ZNF570: variants seen among roughly 807,000 people sequenced by gnomAD.
ZNF570 encodes the protein zinc finger protein 570.
Under a neutral mutation model 14.2 loss-of-function variants are expected in ZNF570, and 8 were observed. The observed-to-expected ratio is 0.56, with a 90% confidence interval of 0.33 to 1.02. The LOEUF (loss-of-function observed/expected upper bound fraction) is 1.02, where lower values mean the gene tolerates loss of function less well. Ranked by LOEUF, ZNF570 falls within the 50% of genes least tolerant of loss-of-function variation. The pLI is 0.03. For synonymous variants in ZNF570, 202 were observed against 207.6 expected (o/e 0.97, Z 0.23); for missense variants, 559 against 624.9 (o/e 0.89, Z 1.12).
At chr19:37,483,837 T>C in intron 4 of ZNF570, 42 bp from the exon 5 acceptor site, 1 of 1,525,872 alleles carries the variant, frequency 6.6e-7, no homozygotes, top group Non-Finnish European at 8.8e-7. Context: ...TACTTTCTGA[T>C]ACTCAATAGA....
Position 37,483,924 on chromosome 19 carries a change from AT to A in ZNF570, c.307del (p.Tyr103MetfsTer9). ...ACTGAAGAATTAACCCCAAAGCAGG[AT>A]TTTTATGAAGAACATCAATCCCAGA... is the stretch of plus-strand genomic sequence containing the variant. Reference protein sequence around the residue: ...CETEELTPKQDFYEEHQSQKI... With the variant: ...CETEELTPKQXFYEEHQSQKI... On this transcript the variant is annotated frameshift_variant, in exon 5 of 5. Coordinates refer to ENST00000330173, the MANE Select transcript of ZNF570 (RefSeq NM_144694.5). LOFTEE classifies it low-confidence loss of function (END_TRUNC). 1 of 1,613,188 alleles carries A rather than the reference AT, an allele frequency of 6.2e-7. No homozygotes were observed. The highest frequency in any genetic ancestry group is 8.5e-7 in the Non-Finnish European group (1 of 1,179,776).
Position 37,484,448 on chromosome 19 carries a change from T to C in ZNF570, c.826T>C (p.Cys276Arg). The C allele has an allele frequency of 6.2e-7, 1 of 1,614,068 alleles. No individual in the cohort carries two copies. Among genetic ancestry groups the C allele is most frequent in the Non-Finnish European group, 8.5e-7 (1 of 1,180,002 alleles). ...TCATACTGGAGAAAAACCCTATGAA[T>C]GTAAGGAATGTAGGAAAGCCTTCAG... ...RIHTGEKPYE[C>R]KECRKAFSQN... Residue 276 changes from cysteine to arginine, a missense_variant, in exon 5 of 5, where the codon TGT becomes CGT. By Grantham distance (180) the Cys-to-Arg change is radical (BLOSUM62 -3). Transcript: ENST00000330173.
rs142698942 is a variant in ZNF570, at chr19:37,477,652, G to A, written c.256+1218G>A. On this transcript the variant is annotated intron_variant, in intron 4 of 4. Transcript: ENST00000330173. ...CCACTGCACCCAGCCTGTAGCTTAT[G>A]TTTTTGATACTTTAAGAAACCTTTC... 3.5e-4 allele frequency among the ~76,000 whole-genome samples: 54 copies of A among 152,144 alleles called. No individual in the cohort carries two copies. In the East Asian group the frequency reaches 0.01, roughly 29 times the overall value.
Position 37,483,967 on chromosome 19 carries a change from T to TAA in ZNF570, c.346_347insAA (p.Thr116LysfsTer11). 1 of 1,613,928 alleles carries TAA rather than the reference T, an allele frequency of 6.2e-7. No individual in the cohort carries two copies. The highest frequency in any genetic ancestry group is 8.5e-7 in the Non-Finnish European group (1 of 1,179,996). On this transcript the variant is annotated frameshift_variant, in exon 5 of 5. Coordinates refer to ENST00000330173, the MANE Select transcript of ZNF570 (RefSeq NM_144694.5). LOFTEE classifies it low-confidence loss of function (END_TRUNC). ...AATCCCAGAAGATAATAGAAACACT[T>TAA]ACAAGCTATAACCTTGAATACTCCA...
chr19:37,471,302 C>T (rs143527060), intron 2 of ZNF570, among the ~76,000 whole-genome samples: 136 of 152,250 alleles, frequency 8.9e-4, no homozygotes, highest in African/African-American at 1.8e-3. Context: ...CGTGAGCCAC[C>T]GCACCCGGCC....
chr19:37,470,695 C>CTTTTTTTTTTTTTTT (rs760686313), intron 2 of ZNF570, among the ~76,000 whole-genome samples: 28 of 92,970 alleles, frequency 3.0e-4, no homozygotes, highest in Admixed American at 5.3e-4. Context: ...CTTATTTATT[C>CTTTTTTTTTTTTTTT]TTTTTTTTTT....
upstream of ZNF570, chr19:37,468,101 T>TA: frequency 1.5e-6 from 1 of 668,444 alleles, no homozygotes; most frequent in Non-Finnish European, 2.5e-6. Flanking sequence ...TTTGTTTTTT[T>TA]TGAGGCAGAG....
Position 37,484,341 on chromosome 19 carries a change from A to G in ZNF570, c.719A>G (p.His240Arg). Residue 240 changes from histidine to arginine, a missense_variant, in exon 5 of 5, where the codon CAT becomes CGT. His to Arg is a conservative substitution (Grantham distance 29). Coordinates refer to ENST00000330173, the MANE Select transcript of ZNF570 (RefSeq NM_144694.5). ...TCCCTTACTCTTCATCAAAGAATTC[A>G]TACTGGAGAGAAACCCTATAAATGT... is the stretch of plus-strand genomic sequence containing the variant. ...SSSLTLHQRI[H>R]TGEKPYKCIE... The G allele has an allele frequency of 6.2e-7, 1 of 1,614,030 alleles. No homozygotes were observed. The highest frequency in any genetic ancestry group is 8.5e-7 in the Non-Finnish European group (1 of 1,179,996).
upstream of ZNF570, chr19:37,467,987 C>G (rs1308915262): frequency 2.0e-6 from 3 of 1,508,272 alleles, no homozygotes; most frequent in Admixed American, 5.9e-5. Flanking sequence ...AGTAGTGTGG[C>G]CAGACCGCCT....
Position 37,484,243 on chromosome 19 carries a change from G to A in ZNF570, c.621G>A (p.Lys207=). ...RSFKKNLMAI[K]PKSVCAEKKL... ...TTAAAAAAAATTTAATGGCTATTAA[G>A]CCCAAGAGTGTCTGTGCAGAGAAGA... is the stretch of plus-strand genomic sequence containing the variant. The change falls in exon 5 of 5, where the codon AAG becomes AAA. Residue 207 remains lysine (K), a synonymous_variant. Coordinates refer to ENST00000330173, the MANE Select transcript of ZNF570 (RefSeq NM_144694.5). 6.2e-7 allele frequency: 1 copy of A among 1,613,924 alleles called. No homozygotes were observed. The highest frequency in any genetic ancestry group is 1.3e-5 in the African/African-American group (1 of 75,006).
chr19:37,470,695 CTT>C (rs760686313), intron 2 of ZNF570, among the ~76,000 whole-genome samples: 3 of 93,010 alleles, frequency 3.2e-5, no homozygotes, highest in African/African-American at 4.2e-5. Flanking sequence ...CTTATTTATT[CTT>C]TTTTTTTTTT....
chr19:37,468,725 C>T (rs924670607), upstream of ZNF570, among the ~76,000 whole-genome samples: 2 of 152,198 alleles, frequency 1.3e-5, no homozygotes. Flanking sequence ...TCAGGCTGGT[C>T]TCGAACTCCT....
upstream of ZNF570, chr19:37,469,043 A>G (rs934359420): frequency 4.3e-4 from 427 of 991,676 alleles, 1 homozygote; most frequent in Non-Finnish European, 4.5e-4. Context: ...GGAGGCGCGC[A>G]GAGCGCTTGT....
rs1410127234 is a variant in ZNF570 at position 37,475,899 on chromosome 19, G to A, written c.52G>A (p.Asp18Asn). 6.2e-7 allele frequency: 1 copy of A among 1,612,906 alleles called. No individual in the cohort carries two copies. The highest frequency in any genetic ancestry group is 8.5e-7 in the Non-Finnish European group (1 of 1,179,676). ...ATTTCAGGAGTTGGTGACCTTCAGA[G>A]ATGTGGCTGTAGACTTCTCCCAAGA... ...AMYQELVTFR[D>N]VAVDFSQEEW... The change falls in exon 3 of 5, where the codon GAT becomes AAT. Residue 18 changes from aspartate to asparagine, a missense_variant. Asp to Asn is a conservative substitution (Grantham distance 23). Coordinates refer to ENST00000330173, the MANE Select transcript of ZNF570 (RefSeq NM_144694.5).
intron 4 of ZNF570, 78 bp downstream of exon 4, chr19:37,476,512 T>C (rs573590953): frequency 1.4e-6 from 2 of 1,453,610 alleles, no homozygotes; most frequent in African/African-American, 2.9e-5. Context: ...TCTTCACTCT[T>C]CAGGCTTCCA....
intron 4 of ZNF570, among the ~76,000 whole-genome samples, chr19:37,481,586 G>GT (rs1568769699): frequency 6.6e-6 from 1 of 152,040 alleles, no homozygotes; most frequent in Non-Finnish European, 1.5e-5. Flanking sequence ...TCTTGCCCTG[G>GT]TTATTCTGTA....
At chr19:37,470,444 G>A in intron 2 of ZNF570, 57 bp downstream of exon 2, 1 of 1,553,054 alleles carries the variant, frequency 6.4e-7, no homozygotes, top group Non-Finnish European at 8.9e-7. Flanking sequence ...AAACAAGCAG[G>A]TACTAATTTT....
intron 4 of ZNF570, among the ~76,000 whole-genome samples, chr19:37,480,130 C>T (rs1394903686): frequency 2.0e-5 from 3 of 152,270 alleles, no homozygotes; most frequent in Non-Finnish European, 4.4e-5. Context: ...GAAAATCTAA[C>T]ATTTATAGTC....
chr19:37,485,422 T>C lies in ZNF570; in HGVS notation c.*189T>C. On this transcript the variant is annotated 3_prime_UTR_variant, in exon 5 of 5. Transcript: ENST00000330173. Reference sequence around the variant, plus strand: ...GGATCTTTTTTTTCTTTTTTTTTCTTTTTGAGACAATGTCTTGCTGTGTTG... The same window carrying C: ...GGATCTTTTTTTTCTTTTTTTTTCTCTTTGAGACAATGTCTTGCTGTGTTG... 3.4e-6 allele frequency: 2 copies of C among 588,080 alleles called. No homozygotes were observed. The highest frequency in any genetic ancestry group is 5.4e-6 in the Non-Finnish European group (2 of 368,038). The allele number at this position is 588,080 out of a possible 1,614,324, so 36.4% of individuals were successfully genotyped here.
Sources: gnomAD v4.1 joint callset for allele counts (sites outside exome capture counted in the v4.1 genomes callset) on GRCh38, gnomAD v4.1.1 for gene constraint, MANE v1.5 for transcripts, NCBI Gene and HGNC (gene_info 2026-07-23, HGNC 2026-07-21) for gene names.